Variants in MTDH observed in about 807,000 individuals in gnomAD.
The protein encoded by MTDH is protein LYRIC.
Under a neutral mutation model 72.7 loss-of-function variants are expected in MTDH, and 34 were observed. That is an observed-to-expected ratio of 0.47 (90% confidence interval 0.36 to 0.62). The LOEUF is 0.62. Among genes scored for constraint, MTDH ranks in the 20% least tolerant of loss-of-function variants. The pLI is 0.00. For synonymous variants in MTDH, 266 were observed against 268.9 expected (o/e 0.99, Z 0.10); for missense variants, 677 against 699.4 (o/e 0.97, Z 0.36).
In MTDH at chr8:97,708,581, C is replaced by CTTTTTT. The variant is rs1174573079; in HGVS notation, c.1272+1864_1272+1869dup. Among the ~76,000 whole-genome samples, 6 of 30,258 alleles carry CTTTTTT rather than the reference C, an allele frequency of 2.0e-4. 3 individuals are homozygous for CTTTTTT. The highest frequency in any genetic ancestry group is 1.5e-3 in the African/African-American group (6 of 4,076). 19.9% of individuals were successfully genotyped at this position (30,258 alleles called of 152,430 possible). A position where few individuals can be genotyped will look rare whatever the true frequency, so the allele number is the denominator to read the frequency against. Reference sequence around the variant, plus strand: ...ACAGGCATGAGCCACCATGCCAGGCCTTTTTTTTTTTTTTTTTTTTTTTTT... The same window carrying CTTTTTT: ...ACAGGCATGAGCCACCATGCCAGGCCTTTTTTTTTTTTTTTTTTTTTTTTTTTTTTT... On this transcript the variant is annotated intron_variant, in intron 8 of 11. Transcript: ENST00000336273.
intron 1 of MTDH, among the ~76,000 whole-genome samples, chr8:97,645,468 A>T (rs1198965662): frequency 6.6e-6 from 1 of 152,242 alleles, no homozygotes; most frequent in Non-Finnish European, 1.5e-5. Flanking sequence ...AATGTGGCCA[A>T]CAGAGGCCGG....
intron 7 of MTDH, among the ~76,000 whole-genome samples, chr8:97,703,750 A>G (rs1157695378): frequency 6.6e-6 from 1 of 152,240 alleles, no homozygotes; most frequent in Non-Finnish European, 1.5e-5. Context: ...TTTTAACTAT[A>G]CATGCCTTAT....
At position 97,683,091 on chromosome 8, in the gene MTDH, GTCTC is replaced by G. The variant is rs1813205946; in HGVS notation, c.484-3571_484-3568del. Reference sequence around the variant, plus strand: ...TTTTTTTTTTTTTTTTTGAGATGGAGTCTCTCTCTGTCACCCAGGCTGGAGTGCA... The same window carrying G: ...TTTTTTTTTTTTTTTTTGAGATGGAGTCTCTGTCACCCAGGCTGGAGTGCA... On this transcript the variant is annotated intron_variant, in intron 2 of 11. Coordinates refer to ENST00000336273, the MANE Select transcript of MTDH (RefSeq NM_178812.4). 7.3e-5 allele frequency among the ~76,000 whole-genome samples: 6 copies of G among 82,042 alleles called. No individual in the cohort carries two copies. The South Asian group carries it at 2.7e-3, about 36-fold the overall frequency. The allele number at this position is 82,042 out of a possible 152,430, so 53.8% of individuals were successfully genotyped here. A position where few individuals can be genotyped will look rare whatever the true frequency, so the allele number is the denominator to read the frequency against.
intron 2 of MTDH, among the ~76,000 whole-genome samples, chr8:97,683,406 GT>G (rs1188560078): frequency 6.6e-6 from 1 of 151,232 alleles, no homozygotes; most frequent in African/African-American, 2.4e-5. Context: ...GTTTTTTGGA[GT>G]TTTTTTGAGA....
chr8:97,686,002 T>C (rs1813348282), intron 2 of MTDH, among the ~76,000 whole-genome samples: 1 of 152,206 alleles, frequency 6.6e-6, no homozygotes, highest in African/African-American at 2.4e-5. Flanking sequence ...TGTATGCGTA[T>C]AGGTATTTTA....
At chr8:97,662,392 A>G (rs1812207590) in intron 2 of MTDH, among the ~76,000 whole-genome samples, 1 of 151,642 alleles carries the variant, frequency 6.6e-6, no homozygotes, top group Non-Finnish European at 1.5e-5. Context: ...TTTCAGGAAA[A>G]AAAAAACAAA....
rs1811486901 is a variant in MTDH at position 97,644,635 on chromosome 8, G to A, written c.129G>A (p.Glu43=). 1 of 1,610,046 alleles carries A rather than the reference G, an allele frequency of 6.2e-7. No homozygotes were observed. Among genetic ancestry groups the A allele is most frequent in the South Asian group, 1.1e-5 (1 of 90,676 alleles). The change falls in exon 1 of 12, where the codon GAG becomes GAA. Residue 43 remains glutamate (E), a synonymous_variant. Coordinates refer to ENST00000336273, the MANE Select transcript of MTDH (RefSeq NM_178812.4). ...RTELGLDLGL[E]PKRYPGWVIL... is the part of the protein sequence containing the mutation. ...AGCTGGGCCTCGACCTGGGGCTGGAGCCGAAACGGTACCCCGGCTGGGTGA... is the reference window on the plus strand; with the variant it reads ...AGCTGGGCCTCGACCTGGGGCTGGAACCGAAACGGTACCCCGGCTGGGTGA...
intron 6 of MTDH, among the ~76,000 whole-genome samples, chr8:97,695,256 G>A (rs987520040): frequency 6.6e-6 from 1 of 151,926 alleles, no homozygotes; most frequent in Non-Finnish European, 1.5e-5. Context: ...TGGGATTACA[G>A]GCACGTGTCA....
intron 6 of MTDH, among the ~76,000 whole-genome samples, chr8:97,694,776 C>T (rs1813756862): frequency 6.6e-6 from 1 of 151,634 alleles, no homozygotes. Context: ...ACAAAAAAAT[C>T]GCTGGGCATG....
In MTDH at chr8:97,723,978, G is replaced by A. The variant is rs112403618; in HGVS notation, c.1679-622G>A. Among the ~76,000 whole-genome samples the A allele has an allele frequency of 6.1e-3, 914 of 150,188 alleles. 7 individuals are homozygous for A. The highest frequency in any genetic ancestry group is 0.02 in the African/African-American group (831 of 40,940). On this transcript the variant is annotated intron_variant, in intron 11 of 11. Transcript: ENST00000336273. The stretch of plus-strand genomic sequence containing the variant: ...CAAAAATTAGCTGGGTGTGCTGGCC[G>A]AACATCTGTAATCGCAGCTACTCGG...
chr8:97,683,041 G>A (rs1813199234), intron 2 of MTDH, among the ~76,000 whole-genome samples: 1 of 96,574 alleles, frequency 1.0e-5, no homozygotes, highest in Non-Finnish European at 2.1e-5. Context: ...GATGCTCTTA[G>A]ACACTTTTTT....
intron 6 of MTDH, among the ~76,000 whole-genome samples, chr8:97,698,586 C>A (rs763253574): frequency 6.6e-5 from 10 of 152,210 alleles, no homozygotes; most frequent in Non-Finnish European, 1.5e-4. Flanking sequence ...TTTAAATGCA[C>A]TTGAACTTAG....
intron 6 of MTDH, among the ~76,000 whole-genome samples, chr8:97,694,220 G>A (rs562383696): frequency 1.0e-3 from 148 of 148,172 alleles, no homozygotes; most frequent in African/African-American, 3.7e-3. Flanking sequence ...TTTTTGAGAT[G>A]GAGTTTTGCC....
chr8:97,692,932 A>G (rs1404766369), intron 6 of MTDH, among the ~76,000 whole-genome samples: 2 of 152,054 alleles, frequency 1.3e-5, no homozygotes. Context: ...GGGTTTCACC[A>G]TGTTGGCCAC....
chr8:97,723,010 G>T lies in MTDH; in HGVS notation c.1653G>T (p.Lys551Asn). The change falls in exon 11 of 12, where the codon AAG becomes AAT. Residue 551 changes from lysine (K) to asparagine (N), a missense_variant. Physicochemically the swap from Lys to Asn is moderately conservative, Grantham distance 94 (BLOSUM62 0). Around this residue, in one of 3 missense-constraint regions of MTDH, gnomAD observed 201 missense variants for 204.5 expected, o/e 0.98. Transcript: ENST00000336273. ...QETDKSKSNT[K>N]QNSVPPSQTK... ...CAGATAAATCCAAGTCAAATACCAA[G>T]CAAAATAGTGTGCCTCCTTCACAGA... 3.7e-6 allele frequency: 6 copies of T among 1,613,882 alleles called. No homozygotes were observed. The highest frequency in any genetic ancestry group is 5.1e-6 in the Non-Finnish European group (6 of 1,179,922).
chr8:97,711,600 C>G (rs931106448), intron 8 of MTDH, among the ~76,000 whole-genome samples: 1 of 152,154 alleles, frequency 6.6e-6, no homozygotes, highest in Admixed American at 6.5e-5. Flanking sequence ...TACAGTAGCA[C>G]AGTAGCCATC....
At chr8:97,722,066 G>C (rs1586289026) in intron 10 of MTDH, among the ~76,000 whole-genome samples, 1 of 152,058 alleles carries the variant, frequency 6.6e-6, no homozygotes, top group African/African-American at 2.4e-5. Context: ...GAAGCGTTCT[G>C]AGTTGGTGGA....
intron 2 of MTDH, among the ~76,000 whole-genome samples, chr8:97,676,848 C>CA (rs1812865541): frequency 6.6e-6 from 1 of 150,892 alleles, no homozygotes; most frequent in Non-Finnish European, 1.5e-5. Flanking sequence ...CTAAAAAATA[C>CA]AAAAAAATTA....
chr8:97,700,329 A>T (rs559875324), intron 7 of MTDH, among the ~76,000 whole-genome samples: 3 of 145,244 alleles, frequency 2.1e-5, no homozygotes, highest in African/African-American at 5.2e-5. Context: ...GTCTTCATTT[A>T]AAAAAAAAAA....
Sources: gnomAD v4.1 joint callset for allele counts (sites outside exome capture counted in the v4.1 genomes callset) on GRCh38, gnomAD v4.1.1 for gene constraint, gnomAD v4.1.1 regional missense constraint, MANE v1.5 for transcripts, NCBI Gene and HGNC (gene_info 2026-07-23, HGNC 2026-07-21) for gene names.